VRK2: variants seen among roughly 807,000 people sequenced by gnomAD.
VRK2 encodes serine/threonine-protein kinase VRK2.
Under a neutral mutation model 57.6 loss-of-function variants are expected in VRK2, and 60 were observed. The observed-to-expected ratio is 1.04, with a 90% CI of 0.85 to 1.29. The LOEUF (loss-of-function observed/expected upper bound fraction) is 1.29. Ranked by LOEUF, VRK2 falls within the 50% of genes most tolerant of loss-of-function variation. The pLI is 0.00. For synonymous variants in VRK2, 231 were observed against 199.2 expected (o/e 1.16, Z -1.35); for missense variants, 705 against 588.1 (o/e 1.20, Z -2.06).
At chr2:58,090,232 C>A (rs915891500) in intron 7 of VRK2, among the ~76,000 whole-genome samples, 1 of 151,878 alleles carries the variant, frequency 6.6e-6, no homozygotes, top group South Asian at 2.1e-4. Context: ...CCTGTCTCTA[C>A]TAAAAATACA....
At position 58,012,737 on chromosome 2, in the gene VRK2, G is replaced by T. The variant is rs546256211; in HGVS notation, c.-438-12928G>T. 3.2e-4 allele frequency among the ~76,000 whole-genome samples: 48 copies of T among 152,212 alleles called. No individual in the cohort carries two copies. In the South Asian group the frequency reaches 9.4e-3, roughly 30 times the overall value. Reference sequence around the variant, plus strand: ...CACCAGACACTTAAGAAATTCCAAAGAATTTAGACACTCTGTGCCAGGTAT... The same window carrying T: ...CACCAGACACTTAAGAAATTCCAAATAATTTAGACACTCTGTGCCAGGTAT... On this transcript the variant is annotated intron_variant, in intron 1 of 15. Coordinates refer to the VRK2 transcript ENST00000417641.
At chr2:58,028,892 A>G (rs1441859001) in intron 2 of VRK2, among the ~76,000 whole-genome samples, 1 of 60,696 alleles carries the variant, frequency 1.6e-5, no homozygotes, top group Non-Finnish European at 3.1e-5. Context: ...TAATAAATAA[A>G]TAAATAAATA....
At chr2:58,105,082 T>C (rs564381521) in intron 7 of VRK2, among the ~76,000 whole-genome samples, 59 of 151,980 alleles carry the variant, frequency 3.9e-4, no homozygotes, top group Admixed American at 1.8e-3. Context: ...AAGACCTAAA[T>C]GTAAGGGCTG....
intron 7 of VRK2, among the ~76,000 whole-genome samples, chr2:58,090,564 A>C (rs1261446523): frequency 3.3e-5 from 5 of 152,134 alleles, no homozygotes. Context: ...GAGTATTTGG[A>C]GTAACAGGAA....
intron 1 of VRK2, among the ~76,000 whole-genome samples, chr2:57,991,204 C>T (rs1244536802): frequency 4.6e-5 from 7 of 152,120 alleles, no homozygotes; most frequent in Non-Finnish European, 8.8e-5. Context: ...TTCTCCCCAC[C>T]ATCAGTACCT....
At chr2:57,965,513 T>C (rs1228436448) in intron 1 of VRK2, among the ~76,000 whole-genome samples, 1 of 152,230 alleles carries the variant, frequency 6.6e-6, no homozygotes, top group Non-Finnish European at 1.5e-5. Flanking sequence ...ACCATCAGTC[T>C]CAACTCTGAT....
Position 58,135,282 on chromosome 2 carries a change from A to G in VRK2, c.856+83A>G, listed in dbSNP as rs1679853501. On this transcript the variant is annotated intron_variant, in intron 10 of 12. Coordinates refer to ENST00000340157, the MANE Select transcript of VRK2 (RefSeq NM_006296.7). Reference sequence around the variant, plus strand: ...GTTATCGTTTGGTAGCTTTTGCTTAACCCACTTGCTCCTATTCCCATCAGG... The same window carrying G: ...GTTATCGTTTGGTAGCTTTTGCTTAGCCCACTTGCTCCTATTCCCATCAGG... 3.4e-6 allele frequency: 5 copies of G among 1,480,034 alleles called. No individual in the cohort carries two copies. The East Asian group carries it at 1.1e-4, about 33-fold the overall frequency. 91.7% of individuals were successfully genotyped at this position (1,480,034 alleles called of 1,614,324 possible).
chr2:58,159,140 A>ATAAATT (rs943532437), intron 12 of VRK2: 19 of 419,966 alleles, frequency 4.5e-5, no homozygotes, highest in African/African-American at 3.5e-4. Context: ...CACTCAAATT[A>ATAAATT]TATCCAGATT....
intron 2 of VRK2, among the ~76,000 whole-genome samples, chr2:58,072,146 T>C (rs987786731): frequency 6.6e-6 from 1 of 152,042 alleles, no homozygotes; most frequent in Non-Finnish European, 1.5e-5. Flanking sequence ...GCCATACTGA[T>C]GTATTAAGTC....
chr2:57,952,123 GAGAGAT>G lies in VRK2; in HGVS notation c.-439+44302_-439+44307del, dbSNP rs112010244. 6.6e-4 allele frequency among the ~76,000 whole-genome samples: 100 copies of G among 151,758 alleles called. 1 individual carries two copies. The highest frequency in any genetic ancestry group is 1.4e-3 in the Admixed American group (21 of 15,222). Reference sequence around the variant, plus strand: ...ACCTTAATTTATATTTATAGAGAGAGAGAGATAGAGATAGAGATAGAGAGACATAAT... The same window carrying G: ...ACCTTAATTTATATTTATAGAGAGAGAGAGATAGAGATAGAGAGACATAAT... On this transcript the variant is annotated intron_variant, in intron 1 of 15. Transcript: ENST00000417641.
intron 1 of VRK2, among the ~76,000 whole-genome samples, chr2:58,004,815 T>C (rs17240705): frequency 0.013 from 1,976 of 152,268 alleles, 24 homozygotes; most frequent in Non-Finnish European, 0.02. Context: ...TAGTGAAATA[T>C]CAAAAAATCC....
chr2:58,134,337 C>G (rs1368766596), intron 9 of VRK2, among the ~76,000 whole-genome samples: 2 of 152,160 alleles, frequency 1.3e-5, no homozygotes, highest in Non-Finnish European at 2.9e-5. Flanking sequence ...TGGGGCCGGG[C>G]GCGGTGGCTC....
At chr2:58,074,056 C>G (rs917748565) in intron 2 of VRK2, among the ~76,000 whole-genome samples, 11 of 152,100 alleles carry the variant, frequency 7.2e-5, no homozygotes, top group Admixed American at 6.6e-5. Context: ...ATCAAGGTGA[C>G]ATTCAGTATT....
intron 2 of VRK2, among the ~76,000 whole-genome samples, chr2:58,063,855 C>T (rs1052831691): frequency 6.6e-6 from 1 of 152,064 alleles, no homozygotes; most frequent in Non-Finnish European, 1.5e-5. Context: ...CCATTAACAG[C>T]ATTCATGATT....
intron 1 of VRK2, among the ~76,000 whole-genome samples, chr2:57,908,611 T>C (rs991220605): frequency 3.3e-5 from 5 of 152,182 alleles, no homozygotes; most frequent in Non-Finnish European, 7.4e-5. Context: ...TAAACCTTTT[T>C]GAGGCATCCA....
intron 1 of VRK2, among the ~76,000 whole-genome samples, chr2:57,996,080 A>T (rs1236263358): frequency 6.6e-6 from 1 of 152,246 alleles, no homozygotes; most frequent in African/African-American, 2.4e-5. Flanking sequence ...TATTATAAGT[A>T]ACCTAGAGCA....
chr2:58,137,044 AAT>A (rs1165911764), intron 10 of VRK2, among the ~76,000 whole-genome samples: 49 of 129,256 alleles, frequency 3.8e-4, no homozygotes, highest in Admixed American at 1.5e-3. Context: ...TATCATATAT[AAT>A]ATATATGTGT....
At chr2:58,083,980 A>G (rs1573004291) in intron 2 of VRK2, 109 bp from the exon 3 acceptor site, 1 of 1,173,460 alleles carries the variant, frequency 8.5e-7, no homozygotes, top group Non-Finnish European at 1.2e-6. Context: ...TTGGGATGAC[A>G]TAATAAACTT....
chr2:57,937,032 G>T (rs1013817375), intron 1 of VRK2, among the ~76,000 whole-genome samples: 1 of 152,162 alleles, frequency 6.6e-6, no homozygotes, highest in African/African-American at 2.4e-5. Context: ...CAGGCAAGTT[G>T]TTCTTTTGTG....
Sources: allele counts gnomAD v4.1 joint callset (sites outside exome capture counted in the v4.1 genomes callset), GRCh38; gene constraint gnomAD v4.1.1; transcripts MANE v1.5; gene names NCBI Gene and HGNC (gene_info 2026-07-23, HGNC 2026-07-21).